Variants in GPC5 observed in about 807,000 individuals in gnomAD.
GPC5 encodes glypican-5.
In GPC5, 47 loss-of-function variants were observed where a neutral mutation model predicts 53.9. The ratio of observed to expected loss-of-function variants is 0.87; its 90% CI spans 0.69 to 1.11. The LOEUF is 1.11. Ranked by LOEUF, GPC5 falls within the 50% of genes most tolerant of loss-of-function variation. The pLI is 0.00. For missense variants in GPC5, 748 were observed against 713.1 expected (o/e 1.05, Z -0.56); for synonymous variants, 286 against 263.3 (o/e 1.09, Z -0.84).
At chr13:92,316,022 C>G (rs1453101563) in intron 7 of GPC5, among the ~76,000 whole-genome samples, 5 of 152,126 alleles carry the variant, frequency 3.3e-5, no homozygotes, top group African/African-American at 1.2e-4. Flanking sequence ...CTGACTTCAA[C>G]TAATTGACTA....
At chr13:92,061,021 G>A (rs1223271469) in intron 6 of GPC5, among the ~76,000 whole-genome samples, 1 of 151,940 alleles carries the variant, frequency 6.6e-6, no homozygotes, top group Non-Finnish European at 1.5e-5. Flanking sequence ...AGACACATCA[G>A]TTCCTCCCCA....
rs1383523724 is a variant in GPC5, at chr13:92,438,728, T to C, written c.1561+293739T>C. Among the ~76,000 whole-genome samples the C allele has an allele frequency of 4.6e-5, 7 of 152,060 alleles. No individual in the cohort carries two copies. In the East Asian group the frequency reaches 1.2e-3, roughly 25 times the overall value. On this transcript the variant is annotated intron_variant, in intron 7 of 7. Transcript: ENST00000377067. ...TCGTGGCATAAAGGATGTCTGTAAG[T>C]TGACATATTGAGGGAATTTTGGAGG...
Position 92,556,775 on chromosome 13 carries a change from A to G in GPC5, c.1562-309507A>G, listed in dbSNP as rs182309384. ...TACTAACCTTTTGTTGTAGATCATC[A>G]TATGTTCTTAAAACGGTGTTAATCA... On this transcript the variant is annotated intron_variant, in intron 7 of 7. Transcript: ENST00000377067. Among the ~76,000 whole-genome samples, 195 of 151,970 alleles carry G rather than the reference A, an allele frequency of 1.3e-3. 1 individual carries two copies. The highest frequency in any genetic ancestry group is 4.5e-3 in the African/African-American group (187 of 41,512).
chr13:91,884,612 A>G (rs2039303107), intron 5 of GPC5, among the ~76,000 whole-genome samples: 1 of 152,228 alleles, frequency 6.6e-6, no homozygotes. Flanking sequence ...TATGATCTGA[A>G]TTGTATTTCT....
intron 5 of GPC5, among the ~76,000 whole-genome samples, chr13:91,766,795 G>T (rs1435392471): frequency 6.6e-6 from 1 of 152,174 alleles, no homozygotes; most frequent in Non-Finnish European, 1.5e-5. Context: ...GGGAGGTGGA[G>T]GTTGCAGTGA....
intron 2 of GPC5, among the ~76,000 whole-genome samples, chr13:91,507,751 T>C (rs1052187905): frequency 1.3e-5 from 2 of 152,202 alleles, no homozygotes; most frequent in Non-Finnish European, 2.9e-5. Context: ...GGTTTCAACA[T>C]ATGAATTTTG....
intron 2 of GPC5, among the ~76,000 whole-genome samples, chr13:91,650,052 T>G (rs764377348): frequency 1.3e-5 from 2 of 149,660 alleles, no homozygotes; most frequent in Non-Finnish European, 2.9e-5. Flanking sequence ...AATACAAAAC[T>G]GGAACATGGA....
chr13:92,118,148 T>C (rs778604503), intron 6 of GPC5, among the ~76,000 whole-genome samples: 3 of 152,176 alleles, frequency 2.0e-5, no homozygotes, highest in Non-Finnish European at 4.4e-5. Context: ...TTTCTAATTT[T>C]GCTGAGAGTT....
intron 7 of GPC5, among the ~76,000 whole-genome samples, chr13:92,762,303 T>C (rs1435890340): frequency 6.6e-6 from 1 of 152,144 alleles, no homozygotes; most frequent in Non-Finnish European, 1.5e-5. Flanking sequence ...CTAGAGTTTT[T>C]TTATGTGACG....
intron 2 of GPC5, among the ~76,000 whole-genome samples, chr13:91,453,829 T>TTTA (rs1295293328): frequency 1.5e-4 from 23 of 152,196 alleles, no homozygotes; most frequent in African/African-American, 5.3e-4. Context: ...TGTTGATGCA[T>TTTA]TTAATATATC....
intron 6 of GPC5, among the ~76,000 whole-genome samples, chr13:92,084,547 T>C (rs2041321427): frequency 6.6e-6 from 1 of 152,194 alleles, no homozygotes; most frequent in Admixed American, 6.5e-5. Flanking sequence ...AAGAGCAGCC[T>C]GATGGGAGTC....
chr13:92,798,185 A>C (rs1357532748), intron 7 of GPC5, among the ~76,000 whole-genome samples: 8 of 151,884 alleles, frequency 5.3e-5, no homozygotes, highest in Non-Finnish European at 1.2e-4. Flanking sequence ...CATGAGGCCG[A>C]AGCATACTGG....
chr13:92,805,010 TC>T (rs141483686), intron 7 of GPC5, among the ~76,000 whole-genome samples: 15,673 of 152,054 alleles, frequency 0.1, 935 homozygotes, highest in African/African-American at 0.17. Flanking sequence ...AGATTCTACT[TC>T]TAACTCTACT....
chr13:92,541,488 C>A (rs1881929276), intron 7 of GPC5, among the ~76,000 whole-genome samples: 1 of 151,672 alleles, frequency 6.6e-6, no homozygotes, highest in Non-Finnish European at 1.5e-5. Context: ...CTGTTAAATT[C>A]TTTTTACTCA....
chr13:92,258,683 A>G (rs1428542988), intron 7 of GPC5, among the ~76,000 whole-genome samples: 1 of 152,218 alleles, frequency 6.6e-6, no homozygotes, highest in Non-Finnish European at 1.5e-5. Flanking sequence ...AGCCTCAAAC[A>G]GTCTTCATCC....
intron 2 of GPC5, among the ~76,000 whole-genome samples, chr13:91,619,978 T>C (rs2033808413): frequency 6.6e-6 from 1 of 152,160 alleles, no homozygotes; most frequent in South Asian, 2.1e-4. Flanking sequence ...TCTTTTGGCC[T>C]CAATTTTCTC....
chr13:92,752,347 C>T (rs1434412100), intron 7 of GPC5, among the ~76,000 whole-genome samples: 1 of 152,260 alleles, frequency 6.6e-6, no homozygotes, highest in African/African-American at 2.4e-5. Flanking sequence ...AGAACCAATG[C>T]TTTAGAGTAA....
At chr13:91,507,171 G>A (rs989660360) in intron 2 of GPC5, among the ~76,000 whole-genome samples, 7 of 152,092 alleles carry the variant, frequency 4.6e-5, no homozygotes, top group Non-Finnish European at 1.0e-4. Flanking sequence ...AGATCAAGGG[G>A]CTGGCAGATT....
intron 7 of GPC5, among the ~76,000 whole-genome samples, chr13:92,585,696 C>G (rs1410192005): frequency 2.6e-5 from 4 of 152,112 alleles, no homozygotes; most frequent in Non-Finnish European, 4.4e-5. Context: ...TGTCCCCATC[C>G]AAATTTCATC....
Sources: allele counts gnomAD v4.1 joint callset (sites outside exome capture counted in the v4.1 genomes callset), GRCh38; gene constraint gnomAD v4.1.1; transcripts MANE v1.5; gene names NCBI Gene and HGNC (gene_info 2026-07-23, HGNC 2026-07-21).